Variants in POU2F2 observed in about 807,000 individuals in gnomAD.
POU2F2 encodes POU class 2 homeobox 2, also known as POU domain, class 2, transcription factor 2.
Under a neutral mutation model 63.5 loss-of-function variants are expected in POU2F2, and 14 were observed. That is an observed-to-expected ratio of 0.22 (90% CI 0.15 to 0.34). The LOEUF (loss-of-function observed/expected upper bound fraction) is 0.34. Among genes scored for constraint, POU2F2 ranks in the 10% least tolerant of loss-of-function variants. The pLI, the probability that POU2F2 is intolerant of heterozygous loss-of-function variation, is 1.00. For missense variants in POU2F2, 607 were observed against 815.2 expected, an observed-to-expected ratio of 0.74 and a Z score of 3.11; for synonymous variants, 306 against 348.6, an observed-to-expected ratio of 0.88 and a Z score of 1.36.
chr19:42,095,581 T>C lies in POU2F2; in HGVS notation c.984A>G (p.Thr328=), dbSNP rs759078148. The change falls in exon 10 of 15, where the codon ACA becomes ACG. Residue 328 remains threonine, a synonymous_variant. Transcript: ENST00000692977. The surrounding 1 kb of genome is among the most constrained non-coding windows in gnomAD (Gnocchi z 7.1). ...RRRKKRTSIE[T]NVRFALEKSF... is the part of the protein sequence containing the mutation. ...TCTTCTCTAAGGCGAAGCGGACGTT[T>C]GTCTCGATGCTGGTCCTCTTCTTGC... The C allele has an allele frequency of 1.2e-6, 2 of 1,610,472 alleles. No homozygotes were observed. The highest frequency in any genetic ancestry group is 4.5e-5 in the East Asian group (2 of 44,744).
chr19:42,148,396 G>T (rs1422459670), intron 2 of POU2F2, among the ~76,000 whole-genome samples: 1 of 152,110 alleles, frequency 6.6e-6, no homozygotes, highest in African/African-American at 2.4e-5. Flanking sequence ...TAAATACGTG[G>T]GTCTGTACAC....
chr19:42,100,460 T>C (rs948362297), intron 5 of POU2F2, among the ~76,000 whole-genome samples: 2 of 151,996 alleles, frequency 1.3e-5, no homozygotes, highest in Non-Finnish European at 2.9e-5. Flanking sequence ...CATTTAAAAA[T>C]GTAAGCCAGG....
chr19:42,149,089 G>A (rs1017328652), intron 2 of POU2F2, among the ~76,000 whole-genome samples: 6 of 152,262 alleles, frequency 3.9e-5, no homozygotes, highest in Middle Eastern at 3.4e-3. Context: ...CTCCCTAGGA[G>A]ACAGAGGACC....
intron 1 of POU2F2, among the ~76,000 whole-genome samples, chr19:42,192,191 G>A (rs2035081841): frequency 6.6e-6 from 1 of 152,178 alleles, no homozygotes; most frequent in African/African-American, 2.4e-5. Flanking sequence ...ATCAGGGACA[G>A]TTAAATATCC....
At chr19:42,134,636 AGGCAGGTAG>A (rs1471370645), upstream of POU2F2, 1 of 152,566 alleles carries the variant, frequency 6.6e-6, no homozygotes, top group South Asian at 2.1e-4. Flanking sequence ...ATGCTGAGGG[AGGCAGGTAG>A]GGCATGGGAG....
In POU2F2 at chr19:42,095,555, C is replaced by T; in HGVS notation, c.1010G>A (p.Ser337Asn). 2 of 1,603,744 alleles carry T rather than the reference C, an allele frequency of 1.2e-6. No individual in the cohort carries two copies. The highest frequency in any genetic ancestry group is 1.7e-6 in the Non-Finnish European group (2 of 1,174,716). The change falls in exon 10 of 15, where the codon AGT becomes AAT. Residue 337 changes from serine (S) to asparagine (N), a missense_variant. Coordinates refer to ENST00000692977, the MANE Select transcript of POU2F2 (RefSeq NM_001394376.1). The surrounding 1 kb of genome is among the most constrained non-coding windows in gnomAD (Gnocchi z 7.1). The part of the protein sequence containing the change: ...ETNVRFALEK[S>N]FLANQKPTSE... ...AGAGGGGGGCCTCACCGCTAGAAAA[C>T]TCTTCTCTAAGGCGAAGCGGACGTT...
chr19:42,099,934 A>T (rs768913869), intron 5 of POU2F2, 113 bp from the exon 6 acceptor site: 6 of 816,804 alleles, frequency 7.3e-6, no homozygotes, highest in Non-Finnish European at 1.2e-5. Context: ...CCACATGGCG[A>T]TCTGGCACTG....
At chr19:42,196,914 G>C (rs2035155752), upstream of POU2F2, among the ~76,000 whole-genome samples, 2 of 152,258 alleles carry the variant, frequency 1.3e-5, no homozygotes, top group Non-Finnish European at 2.9e-5. Flanking sequence ...GGGTTAAGGG[G>C]GAGGTGACCC....
At chr19:42,130,842 C>T (rs2033641512) in intron 1 of POU2F2, among the ~76,000 whole-genome samples, 1 of 151,446 alleles carries the variant, frequency 6.6e-6, no homozygotes, top group South Asian at 2.1e-4. Context: ...TCCTACGATC[C>T]CCTAATACCT....
chr19:42,095,746 C>T lies in POU2F2; in HGVS notation c.871+42G>A. 6.2e-7 allele frequency: 1 copy of T among 1,613,244 alleles called. No homozygotes were observed. Among genetic ancestry groups the T allele is most frequent in the Non-Finnish European group, 8.5e-7 (1 of 1,179,880 alleles). ...AGAAGGGGCCTCCCGCGGCCAGCGG[C>T]CACTGCCCGCCCCCTACGCGGGAAC... On this transcript the variant is annotated intron_variant, in intron 9 of 14. Coordinates refer to ENST00000692977, the MANE Select transcript of POU2F2 (RefSeq NM_001394376.1). The surrounding 1 kb of genome is among the most constrained non-coding windows in gnomAD (Gnocchi z 7.1).
chr19:42,119,784 AAATAATGTTG>A (rs1222102395), intron 4 of POU2F2, among the ~76,000 whole-genome samples: 4 of 152,352 alleles, frequency 2.6e-5, no homozygotes, highest in Admixed American at 2.0e-4. Context: ...AGTTTTAAAA[AAATAATGTTG>A]AATGCCATGG....
rs905768961 is a variant in POU2F2, at chr19:42,117,120, A to T, written c.369+130T>A. On this transcript the variant is annotated intron_variant, in intron 5 of 14. Coordinates refer to ENST00000692977, the MANE Select transcript of POU2F2 (RefSeq NM_001394376.1). The surrounding 1 kb of genome is among the most constrained non-coding windows in gnomAD (Gnocchi z 4.4). ...GTAAGGGGACAAGACCTCCTAGAGG[A>T]CAGAAGAGGGCAAGAGGCAGGTGTG... 2 of 779,826 alleles carry T rather than the reference A, an allele frequency of 2.6e-6. No individual in the cohort carries two copies. The highest frequency in any genetic ancestry group is 2.5e-5 in the Admixed American group (1 of 40,312). The allele number at this position is 779,826 out of a possible 1,614,324, so 48.3% of individuals were successfully genotyped here.
chr19:42,164,983 G>A (rs1021365333), intron 1 of POU2F2, among the ~76,000 whole-genome samples: 1 of 151,676 alleles, frequency 6.6e-6, no homozygotes, highest in Non-Finnish European at 1.5e-5. Flanking sequence ...GATAGCAAAA[G>A]GTAATGTCCT....
intron 1 of POU2F2, among the ~76,000 whole-genome samples, chr19:42,175,652 G>A (rs916464199): frequency 3.3e-5 from 5 of 152,114 alleles, no homozygotes; most frequent in Admixed American, 1.3e-4. Context: ...TGGAAATAAA[G>A]GAGCTGAGAA....
At chr19:42,167,979 G>T (rs1320527737) in intron 1 of POU2F2, among the ~76,000 whole-genome samples, 1 of 152,224 alleles carries the variant, frequency 6.6e-6, no homozygotes, top group Non-Finnish European at 1.5e-5. Flanking sequence ...GCTCAGGCCT[G>T]GCCACAGGAG....
intron 2 of POU2F2, among the ~76,000 whole-genome samples, chr19:42,143,271 T>C (rs892446597): frequency 1.3e-5 from 2 of 151,940 alleles, no homozygotes; most frequent in Admixed American, 6.6e-5. Context: ...GGCTAAGGCT[T>C]GAACCTGGGG....
rs1395250093 is a variant in POU2F2 at position 42,089,433 on chromosome 19, T to G, written c.*1824A>C. 1.3e-5 allele frequency: 2 copies of G among 152,518 alleles called. No individual in the cohort carries two copies. Among genetic ancestry groups the G allele is most frequent in the Non-Finnish European group, 2.9e-5 (2 of 68,026 alleles). 9.4% of individuals were successfully genotyped at this position (152,518 alleles called of 1,614,324 possible). A position where few individuals can be genotyped will look rare whatever the true frequency, so the allele number is the denominator to read the frequency against. ...CTTTTTTTAAAGCTTTTTCAGTTGATTTGGGAGGGGAGTTTGGGGCTCTTC... is the reference window on the plus strand; with the variant it reads ...CTTTTTTTAAAGCTTTTTCAGTTGAGTTGGGAGGGGAGTTTGGGGCTCTTC... On this transcript the variant is annotated 3_prime_UTR_variant, in exon 15 of 15. Transcript: ENST00000692977.
intron 1 of POU2F2, among the ~76,000 whole-genome samples, chr19:42,173,925 C>T (rs1213454312): frequency 6.6e-6 from 1 of 152,192 alleles, no homozygotes; most frequent in East Asian, 1.9e-4. Flanking sequence ...GGAGATGCTG[C>T]CTATGGCCCT....
intron 5 of POU2F2, among the ~76,000 whole-genome samples, chr19:42,106,048 TTTC>T (rs767594577): frequency 1.6e-4 from 22 of 136,220 alleles, no homozygotes; most frequent in South Asian, 6.9e-4. Context: ...TCTTTCTTTC[TTTC>T]TTCTTTCTTT....
Sources: allele counts gnomAD v4.1 joint callset (sites outside exome capture counted in the v4.1 genomes callset), GRCh38; gene constraint gnomAD v4.1.1; non-coding constraint Gnocchi (gnomAD v3.1); transcripts MANE v1.5; gene names NCBI Gene and HGNC (gene_info 2026-07-23, HGNC 2026-07-21).